The following CNOT6 variants were observed in gnomAD, a reference collection of about 807,000 sequenced individuals.
CNOT6 encodes the protein CCR4-NOT transcription complex subunit 6, also known as carbon catabolite repression 4 protein.
A neutral mutation model predicts 61.2 loss-of-function variants in CNOT6; 12 were observed. The ratio of observed to expected loss-of-function variants is 0.20; its 90% CI spans 0.13 to 0.32. The LOEUF is 0.32. Ranked by LOEUF, CNOT6 falls within the 10% of genes least tolerant of loss-of-function variation. The probability of loss-of-function intolerance (pLI) is 1.00; values close to 1 mark genes in which losing one functional copy is unlikely to be tolerated. For missense variants in CNOT6, 405 were observed against 663.9 expected, an observed-to-expected ratio of 0.61 and a Z score of 4.28; for synonymous variants, 225 against 240.6, an observed-to-expected ratio of 0.94 and a Z score of 0.60.
intron 4 of CNOT6, among the ~76,000 whole-genome samples, chr5:180,561,049 C>T (rs1162373951): frequency 6.6e-6 from 1 of 152,158 alleles, no homozygotes; most frequent in Non-Finnish European, 1.5e-5. Flanking sequence ...CTCCCAGGCT[C>T]AAGCAGCTCT....
At chr5:180,567,326 G>GA in intron 8 of CNOT6, 84 bp downstream of exon 8, 1 of 1,176,872 alleles carries the variant, frequency 8.5e-7, no homozygotes, top group Non-Finnish European at 1.2e-6. Context: ...ATTGGCAAAT[G>GA]AGAGAATGAG....
At chr5:180,517,176 C>T (rs562814506) in intron 1 of CNOT6, among the ~76,000 whole-genome samples, 4 of 152,314 alleles carry the variant, frequency 2.6e-5, no homozygotes, top group South Asian at 4.1e-4. Flanking sequence ...TCACTCCTTT[C>T]GCTCAGGCTG....
chr5:180,565,243 G>T (rs1581567581), intron 6 of CNOT6, among the ~76,000 whole-genome samples: 1 of 152,302 alleles, frequency 6.6e-6, no homozygotes, highest in East Asian at 1.9e-4. Flanking sequence ...GTTCCAAATG[G>T]ATTTGACACT....
intron 1 of CNOT6, among the ~76,000 whole-genome samples, chr5:180,503,118 A>T (rs1756955025): frequency 6.6e-6 from 1 of 152,156 alleles, no homozygotes; most frequent in Admixed American, 6.5e-5. Flanking sequence ...GCTGCTTTAC[A>T]TGTGTCTCAT....
At chr5:180,543,097 C>T (rs1351789110) in intron 2 of CNOT6, among the ~76,000 whole-genome samples, 2 of 151,956 alleles carry the variant, frequency 1.3e-5, no homozygotes, top group East Asian at 1.9e-4. Flanking sequence ...CTCACTCTGC[C>T]GCCCAGGTTG....
chr5:180,531,563 C>G (rs1292585231), intron 2 of CNOT6, among the ~76,000 whole-genome samples: 1 of 151,284 alleles, frequency 6.6e-6, no homozygotes, highest in East Asian at 1.9e-4. Flanking sequence ...CAGAGACGCT[C>G]CTCACTTCCC....
At chr5:180,546,247 T>G (rs1276231173) in intron 2 of CNOT6, among the ~76,000 whole-genome samples, 1 of 152,350 alleles carries the variant, frequency 6.6e-6, no homozygotes, top group East Asian at 1.9e-4. Context: ...AAATTCACCA[T>G]CTTGCTATTT....
intron 4 of CNOT6, among the ~76,000 whole-genome samples, chr5:180,555,300 C>G (rs539323562): frequency 1.8e-4 from 28 of 152,310 alleles, no homozygotes; most frequent in African/African-American, 6.7e-4. Flanking sequence ...AGCCACTGCA[C>G]CAGGCCATAA....
At chr5:180,561,234 G>A (rs1760166604) in intron 4 of CNOT6, among the ~76,000 whole-genome samples, 1 of 152,176 alleles carries the variant, frequency 6.6e-6, no homozygotes, top group Non-Finnish European at 1.5e-5. Flanking sequence ...TTATAGGCAT[G>A]AGCCACTGTG....
intron 2 of CNOT6, among the ~76,000 whole-genome samples, chr5:180,547,774 C>T (rs1361558958): frequency 6.6e-6 from 1 of 152,120 alleles, no homozygotes; most frequent in African/African-American, 2.4e-5. Flanking sequence ...CACTCTGTCG[C>T]CCAGACTGGA....
At chr5:180,508,906 C>G (rs1200818015) in intron 1 of CNOT6, among the ~76,000 whole-genome samples, 5 of 150,968 alleles carry the variant, frequency 3.3e-5, no homozygotes, top group Non-Finnish European at 7.4e-5. Flanking sequence ...CGCTGCAACT[C>G]TCACCTCCCG....
rs368192786 is a variant in CNOT6, at chr5:180,550,089, G to A, written c.271G>A (p.Ala91Thr). The change falls in exon 3 of 12, where the codon GCA (alanine) becomes ACA (threonine). Residue 91 changes from alanine to threonine, a missense_variant. Transcript: ENST00000261951. ...LSSNKIRSLP[A>T]ELGNMVSLRE... Reference sequence around the variant, plus strand: ...ATCTAATAAAATTCGTAGCTTACCCGCAGAACTCGGAAACATGGTATCACT... The same window carrying A: ...ATCTAATAAAATTCGTAGCTTACCCACAGAACTCGGAAACATGGTATCACT... 13 of 1,613,704 alleles carry A rather than the reference G, an allele frequency of 8.1e-6. No individual in the cohort carries two copies. The highest frequency in any genetic ancestry group is 5.3e-5 in the African/African-American group (4 of 74,868).
intron 4 of CNOT6, among the ~76,000 whole-genome samples, chr5:180,562,179 G>A (rs1292820402): frequency 1.3e-5 from 2 of 152,236 alleles, no homozygotes; most frequent in Non-Finnish European, 2.9e-5. Context: ...GTCAGGTCCT[G>A]CAGTCTTTGG....
At chr5:180,552,413 G>A (rs894901285) in intron 3 of CNOT6, among the ~76,000 whole-genome samples, 2 of 151,788 alleles carry the variant, frequency 1.3e-5, no homozygotes, top group Admixed American at 1.3e-4. Flanking sequence ...AGGCCGAGGC[G>A]GGCGGATCAC....
intron 1 of CNOT6, among the ~76,000 whole-genome samples, chr5:180,527,821 A>G (rs1172819465): frequency 6.6e-6 from 1 of 152,204 alleles, no homozygotes; most frequent in Non-Finnish European, 1.5e-5. Context: ...GGTGAGCGGC[A>G]CGTGAGCAAG....
At chr5:180,548,982 G>A (rs1759452154) in intron 2 of CNOT6, among the ~76,000 whole-genome samples, 1 of 152,110 alleles carries the variant, frequency 6.6e-6, no homozygotes, top group Non-Finnish European at 1.5e-5. Context: ...TGCATTGAAA[G>A]GTTTTATCAT....
At chr5:180,513,193 G>A (rs989578982) in intron 1 of CNOT6, among the ~76,000 whole-genome samples, 8 of 151,218 alleles carry the variant, frequency 5.3e-5, no homozygotes, top group Non-Finnish European at 1.0e-4. Flanking sequence ...CACTGCACCC[G>A]GCCATTTATT....
chr5:180,531,578 G>C (rs1202027718), intron 2 of CNOT6, among the ~76,000 whole-genome samples: 1 of 152,136 alleles, frequency 6.6e-6, no homozygotes, highest in African/African-American at 2.4e-5. Context: ...CTTCCCAGAC[G>C]GGGTGGCGGC....
chr5:180,524,617 C>A (rs1758014768), intron 1 of CNOT6, among the ~76,000 whole-genome samples: 1 of 152,092 alleles, frequency 6.6e-6, no homozygotes. Flanking sequence ...AGGTGGAAAT[C>A]AAGACTGTTT....
Sources: allele counts gnomAD v4.1 joint callset (sites outside exome capture counted in the v4.1 genomes callset), GRCh38; gene constraint gnomAD v4.1.1; transcripts MANE v1.5; gene names NCBI Gene and HGNC (gene_info 2026-07-23, HGNC 2026-07-21).